Variants in PKNOX1 observed in about 807,000 individuals in gnomAD.
PKNOX1 encodes the protein homeobox protein PKNOX1.
In PKNOX1, 15 loss-of-function variants were observed where a neutral mutation model predicts 51.9. That is an observed-to-expected ratio of 0.29 (90% confidence interval 0.19 to 0.45). PKNOX1 has a LOEUF of 0.45. PKNOX1 is among the 20% of genes least tolerant of loss of function. The pLI, the probability that PKNOX1 is intolerant of heterozygous loss-of-function variation, is 1.00. For missense variants in PKNOX1, 462 were observed against 547.5 expected, an observed-to-expected ratio of 0.84 and a Z score of 1.56; for synonymous variants, 219 against 211.1, an observed-to-expected ratio of 1.04 and a Z score of -0.32.
chr21:42,984,089 T>TGTGC (rs2059039923), intron 1 of PKNOX1, among the ~76,000 whole-genome samples: 1 of 2,586 alleles, frequency 3.9e-4, no homozygotes, highest in Non-Finnish European at 1.3e-3. Flanking sequence ...TGTGCGTGTG[T>TGTGC]GTGTGTGTGT....
rs183447406 is a variant in PKNOX1, at chr21:42,980,993, A to G, written c.-57+6329A>G. Among the ~76,000 whole-genome samples, 226 of 152,340 alleles carry G rather than the reference A, an allele frequency of 1.5e-3. 3 individuals are homozygous for G. The highest frequency in any genetic ancestry group is 0.014 in the Admixed American group (213 of 15,298). The stretch of plus-strand genomic sequence containing the variant: ...TCCTCAAATGATTATATTGATGACA[A>G]AAGAGACAAGGAAATAAAAACGGCA... On this transcript the variant is annotated intron_variant, in intron 1 of 10. Transcript: ENST00000291547.
At chr21:43,000,073 GTTCAT>G (rs1464534207) in intron 1 of PKNOX1, among the ~76,000 whole-genome samples, 2 of 151,582 alleles carry the variant, frequency 1.3e-5, no homozygotes, top group African/African-American at 4.9e-5. Context: ...GGACTTTACT[GTTCAT>G]ATAATTATCA....
chr21:42,976,569 G>C (rs1036227311), intron 1 of PKNOX1, among the ~76,000 whole-genome samples: 6 of 152,220 alleles, frequency 3.9e-5, no homozygotes, highest in Non-Finnish European at 5.9e-5. Context: ...TATCCACTAA[G>C]TTGATGTGAT....
chr21:42,975,244 ACCCCGG>A (rs927600814), intron 1 of PKNOX1, among the ~76,000 whole-genome samples: 18 of 122,260 alleles, frequency 1.5e-4, no homozygotes, highest in Admixed American at 3.8e-4. Context: ...GGCGGCCGCG[ACCCCGG>A]CCCCGGCCTC....
At chr21:42,989,575 C>T (rs184194182) in intron 1 of PKNOX1, among the ~76,000 whole-genome samples, 39 of 152,082 alleles carry the variant, frequency 2.6e-4, no homozygotes, top group Admixed American at 4.6e-4. Flanking sequence ...CCTGCTACCA[C>T]GCCTGGCTAA....
chr21:42,976,447 C>T (rs997345408), intron 1 of PKNOX1, among the ~76,000 whole-genome samples: 2 of 152,138 alleles, frequency 1.3e-5, no homozygotes, highest in East Asian at 3.9e-4. Context: ...CATTGATGGA[C>T]TCCTCCTTTC....
intron 9 of PKNOX1, 146 bp from the exon 10 acceptor site, chr21:43,028,556 T>C: frequency 2.8e-6 from 2 of 721,070 alleles, no homozygotes; most frequent in South Asian, 3.5e-5. Context: ...TGTTGAGTCC[T>C]CTTAAGTAGT....
intron 8 of PKNOX1, chr21:43,024,467 G>T (rs1003014612): frequency 6.3e-6 from 1 of 159,676 alleles, no homozygotes; most frequent in Non-Finnish European, 1.4e-5. Context: ...GGGCCAGAAC[G>T]CATCCACCCA....
intron 6 of PKNOX1, 100 bp from the exon 7 acceptor site, chr21:43,018,033 T>G: frequency 1.6e-6 from 1 of 606,354 alleles, no homozygotes; most frequent in Non-Finnish European, 2.6e-6. Flanking sequence ...AACAAAGCAA[T>G]GTCCCTGTCT....
intron 1 of PKNOX1, among the ~76,000 whole-genome samples, chr21:42,994,598 A>C (rs1388163470): frequency 1.3e-5 from 2 of 151,926 alleles, no homozygotes; most frequent in Non-Finnish European, 2.9e-5. Flanking sequence ...ATTATCTGCT[A>C]CCTAGATTCA....
chr21:42,976,972 T>C (rs2059000454), intron 1 of PKNOX1, among the ~76,000 whole-genome samples: 2 of 152,244 alleles, frequency 1.3e-5, no homozygotes, highest in Admixed American at 1.3e-4. Flanking sequence ...GATCCATAGC[T>C]GCAGAATGGA....
At chr21:42,995,447 G>A (rs1303347619) in intron 1 of PKNOX1, among the ~76,000 whole-genome samples, 1 of 152,026 alleles carries the variant, frequency 6.6e-6, no homozygotes, top group Non-Finnish European at 1.5e-5. Flanking sequence ...GGAGGCGGAG[G>A]TAGGAGGACG....
chr21:42,982,021 G>A (rs1259307251), intron 1 of PKNOX1, among the ~76,000 whole-genome samples: 1 of 152,194 alleles, frequency 6.6e-6, no homozygotes, highest in Non-Finnish European at 1.5e-5. Context: ...TGTTCCATCT[G>A]TACGCTCCCC....
At chr21:43,014,411 A>G (rs1253211169) in intron 5 of PKNOX1, among the ~76,000 whole-genome samples, 4 of 152,026 alleles carry the variant, frequency 2.6e-5, no homozygotes, top group African/African-American at 9.7e-5. Context: ...TCTGTTGGAT[A>G]TGTGGTTTGC....
intron 1 of PKNOX1, among the ~76,000 whole-genome samples, chr21:42,984,023 A>G (rs1195397906): frequency 1.3e-5 from 2 of 151,966 alleles, no homozygotes; most frequent in African/African-American, 4.8e-5. Flanking sequence ...ATATCTCTTC[A>G]AGTCCTTTGC....
chr21:42,989,616 A>C (rs939157816), intron 1 of PKNOX1, among the ~76,000 whole-genome samples: 1 of 151,848 alleles, frequency 6.6e-6, no homozygotes, highest in Admixed American at 6.6e-5. Flanking sequence ...ATGGGGTTTC[A>C]CCACGTTGGC....
chr21:43,003,595 C>T (rs1170043802), intron 1 of PKNOX1, among the ~76,000 whole-genome samples: 1 of 152,144 alleles, frequency 6.6e-6, no homozygotes, highest in Admixed American at 6.5e-5. Context: ...ACCACACGGC[C>T]CGGGAAAGCA....
Position 42,978,486 on chromosome 21 carries a change from CTTTTT to C in PKNOX1, c.-57+3835_-57+3839del, listed in dbSNP as rs200084508. ...CTAACTTGTTTTTTTCTTTTCTTTT[CTTTTT>C]TTTTTTTTTTTTGAGATGGAGTCGC... On this transcript the variant is annotated intron_variant, in intron 1 of 10. Coordinates refer to ENST00000291547, the MANE Select transcript of PKNOX1 (RefSeq NM_004571.5). 3.2e-5 allele frequency among the ~76,000 whole-genome samples: 4 copies of C among 124,890 alleles called. No individual in the cohort carries two copies. The Admixed American group carries it at 3.3e-4, about 10-fold the overall frequency. 81.9% of individuals were successfully genotyped at this position (124,890 alleles called of 152,430 possible). A position where few individuals can be genotyped will look rare whatever the true frequency, so the allele number is the denominator to read the frequency against.
rs9754199 is a variant in PKNOX1 at position 43,030,292 on chromosome 21, T to C, written c.*191T>C. 0.41 allele frequency: 172,546 copies of C among 420,182 alleles called. 32,415 individuals carry two copies. Among genetic ancestry groups the C allele is most frequent in the East Asian group, 0.53 (14,896 of 28,238 alleles). The allele number at this position is 420,182 out of a possible 1,614,324, so 26.0% of individuals were successfully genotyped here. A position where few individuals can be genotyped will look rare whatever the true frequency, so the allele number is the denominator to read the frequency against. On this transcript the variant is annotated 3_prime_UTR_variant, in exon 11 of 11. Transcript: ENST00000291547. ...GTGTGTGTGTGTGTGTGTGTGTGTG[T>C]GCGTGTGTGCGTGTGTGTGGATTTT... is the stretch of plus-strand genomic sequence containing the variant.
Sources: allele counts gnomAD v4.1 joint callset (sites outside exome capture counted in the v4.1 genomes callset), GRCh38; gene constraint gnomAD v4.1.1; transcripts MANE v1.5; gene names NCBI Gene and HGNC (gene_info 2026-07-23, HGNC 2026-07-21).